The following TRIM55 variants were observed in gnomAD, a reference collection of about 807,000 sequenced individuals.
The protein encoded by TRIM55 is tripartite motif-containing protein 55.
A neutral mutation model predicts 60.9 loss-of-function variants in TRIM55; 50 were observed. The observed-to-expected ratio is 0.82, with a 90% CI of 0.65 to 1.04. The LOEUF (loss-of-function observed/expected upper bound fraction) is 1.04, where lower values mean the gene tolerates loss of function less well. Ranked by LOEUF, TRIM55 falls within the 50% of genes least tolerant of loss-of-function variation. The pLI is 0.00. For synonymous variants in TRIM55, 237 were observed against 238.1 expected (o/e 1.00, Z 0.04); for missense variants, 681 against 666.9 (o/e 1.02, Z -0.23).
At chr8:66,173,957 T>G (rs1489680126) in intron 9 of TRIM55, among the ~76,000 whole-genome samples, 2 of 152,150 alleles carry the variant, frequency 1.3e-5, no homozygotes, top group African/African-American at 4.8e-5. Flanking sequence ...GCCTGTAGTT[T>G]TGTAAAAATT....
intron 9 of TRIM55, chr8:66,155,783 C>T (rs1810705522): frequency 4.7e-6 from 5 of 1,059,950 alleles, no homozygotes; most frequent in Admixed American, 4.4e-5. Flanking sequence ...TTCTATAGGC[C>T]CAGAGATTAA....
the TRIM55 span, among the ~76,000 whole-genome samples, chr8:66,118,240 T>C: frequency 6.7e-6 from 1 of 150,110 alleles, no homozygotes; most frequent in South Asian, 2.1e-4. Context: ...TACTAACATT[T>C]CCTCAGAGAT....
chr8:66,113,572 C>A, the TRIM55 span: 1 of 456,330 alleles, frequency 2.2e-6, no homozygotes, highest in South Asian at 1.5e-5. Context: ...GCTTTCTCCC[C>A]ATTTTGGGCC....
chr8:66,119,196 C>T, the TRIM55 span, among the ~76,000 whole-genome samples: 1 of 152,266 alleles, frequency 6.6e-6, no homozygotes, highest in South Asian at 2.1e-4. Flanking sequence ...TCTTAGGCAG[C>T]CACCCTCTTT....
At position 66,150,673 on chromosome 8, in the gene TRIM55, CT is replaced by C. The variant is rs201862185; in HGVS notation, c.985+220del. ...TTATTTAGCTTTGCACATATGGTGC[CT>C]TTTTTTTTTTTTGATGGACTCTCAC... On this transcript the variant is annotated intron_variant, in intron 7 of 9. Transcript: ENST00000315962. 8.5e-3 allele frequency among the ~76,000 whole-genome samples: 1,210 copies of C among 141,606 alleles called. 3 individuals carry two copies. The highest frequency in any genetic ancestry group is 0.013 in the African/African-American group (518 of 39,004). The allele number at this position is 141,606 out of a possible 152,430, so 92.9% of individuals were successfully genotyped here.
At chr8:66,168,787 C>T (rs1345974983) in intron 9 of TRIM55, among the ~76,000 whole-genome samples, 2 of 152,198 alleles carry the variant, frequency 1.3e-5, no homozygotes, top group Admixed American at 6.5e-5. Flanking sequence ...TTCCTCAAGG[C>T]CCCCAATATC....
rs564758648 is a variant in TRIM55, at chr8:66,174,660, G to A, written c.*67G>A. On this transcript the variant is annotated 3_prime_UTR_variant, in exon 10 of 10. Coordinates refer to ENST00000315962, the MANE Select transcript of TRIM55 (RefSeq NM_184085.2). ...TGCATGTGGGCAGCAGGAAGCCCAA[G>A]TGAAATTAATATTATGCAGATGATG... is the stretch of plus-strand genomic sequence containing the variant. 2.8e-5 allele frequency: 41 copies of A among 1,465,786 alleles called. No homozygotes were observed. Among genetic ancestry groups the A allele is most frequent in the African/African-American group, 4.4e-5 (3 of 68,772 alleles). 90.8% of individuals were successfully genotyped at this position (1,465,786 alleles called of 1,614,324 possible). A position where few individuals can be genotyped will look rare whatever the true frequency, so the allele number is the denominator to read the frequency against.
chr8:66,134,162 A>G (rs1323207025), intron 2 of TRIM55, among the ~76,000 whole-genome samples: 2 of 152,258 alleles, frequency 1.3e-5, no homozygotes, highest in Non-Finnish European at 2.9e-5. Context: ...CTGTATAGCA[A>G]CAAAACAAAA....
At position 66,152,436 on chromosome 8, in the gene TRIM55, G is replaced by A. The variant is rs1170562486; in HGVS notation, c.1045G>A (p.Val349Met). ...GEGEKEGEGE[V>M]GGEAVEVEEV... ...AGGAGAAAAAGAAGGAGAAGGAGAA[G>A]TGGGAGGAGAAGCAGTAGAAGTGGA... Residue 349 changes from valine to methionine, a missense_variant, in exon 8 of 10, where the codon GTG becomes ATG. Coordinates refer to ENST00000315962, the MANE Select transcript of TRIM55 (RefSeq NM_184085.2). The A allele has an allele frequency of 3.7e-6, 6 of 1,607,168 alleles. No individual in the cohort carries two copies. The highest frequency in any genetic ancestry group is 4.3e-6 in the Non-Finnish European group (5 of 1,173,834).
chr8:66,159,871 C>T (rs1053677215), intron 9 of TRIM55, among the ~76,000 whole-genome samples: 7 of 152,018 alleles, frequency 4.6e-5, no homozygotes, highest in African/African-American at 1.7e-4. Flanking sequence ...CATCTTTTGC[C>T]CAACTTTTTA....
chr8:66,164,125 G>T (rs1158661533), intron 9 of TRIM55, among the ~76,000 whole-genome samples: 4 of 151,928 alleles, frequency 2.6e-5, no homozygotes, highest in Admixed American at 6.6e-5. Context: ...ACTTTAAAAA[G>T]ACAGGGGTGG....
chr8:66,143,724 A>T (rs970227000), intron 4 of TRIM55, among the ~76,000 whole-genome samples: 8 of 151,946 alleles, frequency 5.3e-5, no homozygotes, highest in Admixed American at 1.3e-4. Context: ...TCATTCATTC[A>T]TTCATTATTT....
At chr8:66,136,730 T>C (rs149261593) in intron 3 of TRIM55, among the ~76,000 whole-genome samples, 2,340 of 152,294 alleles carry the variant, frequency 0.015, 48 homozygotes, top group African/African-American at 0.042. Flanking sequence ...TAAATGAGTA[T>C]TTACTATACA....
upstream of TRIM55, among the ~76,000 whole-genome samples, chr8:66,126,512 T>C (rs1808825651): frequency 6.6e-6 from 1 of 152,196 alleles, no homozygotes; most frequent in South Asian, 2.1e-4. Context: ...TGGTTTTGAA[T>C]TTTTATTTAT....
At chr8:66,125,666 T>A (rs987955230), upstream of TRIM55, among the ~76,000 whole-genome samples, 2 of 152,230 alleles carry the variant, frequency 1.3e-5, no homozygotes, top group African/African-American at 2.4e-5. Flanking sequence ...CCGTCCTCCC[T>A]GTAGTTGCTA....
chr8:66,147,497 T>TA (rs112577255), intron 4 of TRIM55, among the ~76,000 whole-genome samples: 14 of 149,578 alleles, frequency 9.4e-5, no homozygotes, highest in South Asian at 4.2e-4. Context: ...TGAAACACAT[T>TA]AAAAAAAAAA....
intron 2 of TRIM55, among the ~76,000 whole-genome samples, chr8:66,129,811 C>A (rs1205817059): frequency 6.6e-6 from 1 of 152,180 alleles, no homozygotes; most frequent in Non-Finnish European, 1.5e-5. Flanking sequence ...GCCAAAACAG[C>A]AATTACTTTG....
the TRIM55 span, among the ~76,000 whole-genome samples, chr8:66,118,957 G>C: frequency 3.3e-5 from 5 of 152,210 alleles, no homozygotes; most frequent in African/African-American, 1.2e-4. Flanking sequence ...AGAATTAACA[G>C]CCTCACTGGC....
At chr8:66,154,396 G>T in intron 9 of TRIM55, 62 bp downstream of exon 9, 38 of 1,536,608 alleles carry the variant, frequency 2.5e-5, no homozygotes, top group Non-Finnish European at 3.3e-5. Context: ...ACTGGAACAG[G>T]CCACAGCAAG....
Sources: gnomAD v4.1 joint callset for allele counts (sites outside exome capture counted in the v4.1 genomes callset) on GRCh38, gnomAD v4.1.1 for gene constraint, MANE v1.5 for transcripts, NCBI Gene and HGNC (gene_info 2026-07-23, HGNC 2026-07-21) for gene names.